The following DLC1 variants were observed in gnomAD, a reference collection of about 807,000 sequenced individuals.
DLC1 encodes the protein rho GTPase-activating protein 7.
DLC1 carries 54 observed loss-of-function variants against 140.3 expected under a neutral mutation model. That is an observed-to-expected ratio of 0.38 (90% CI 0.31 to 0.48). The LOEUF (loss-of-function observed/expected upper bound fraction) is 0.48. Ranked by LOEUF, DLC1 falls within the 20% of genes least tolerant of loss-of-function variation. The pLI is 0.96. For missense variants in DLC1, 2,536 were observed against 1,907.0 expected, an observed-to-expected ratio of 1.33 and a Z score of -6.14; for synonymous variants, 986 against 728.1, an observed-to-expected ratio of 1.35 and a Z score of -5.70.
chr8:13,589,557 C>A (rs1484271014), intron 1 of DLC1, among the ~76,000 whole-genome samples: 3 of 152,036 alleles, frequency 2.0e-5, no homozygotes, highest in Non-Finnish European at 4.4e-5. Flanking sequence ...CATAGAGAAT[C>A]ATCTTTAATT....
intron 5 of DLC1, among the ~76,000 whole-genome samples, chr8:13,220,334 G>T (rs1019183151): frequency 6.6e-6 from 1 of 152,094 alleles, no homozygotes. Context: ...AAAGGATAAA[G>T]GTGCCCCACG....
intron 1 of DLC1, among the ~76,000 whole-genome samples, chr8:13,581,538 A>G (rs1003652505): frequency 1.3e-5 from 2 of 152,162 alleles, no homozygotes; most frequent in African/African-American, 4.8e-5. Context: ...TTCTTCATCC[A>G]AGATTTATCT....
intron 1 of DLC1, among the ~76,000 whole-genome samples, chr8:13,551,479 T>G (rs1008359120): frequency 6.6e-6 from 1 of 152,086 alleles, no homozygotes; most frequent in Non-Finnish European, 1.5e-5. Flanking sequence ...TTACTCTCTC[T>G]TTCCCTCCAA....
At position 13,467,803 on chromosome 8, in the gene DLC1, AT is replaced by A. The variant is rs145328091; in HGVS notation, c.1023+31245del. Among the ~76,000 whole-genome samples, 965 of 152,148 alleles carry A rather than the reference AT, an allele frequency of 6.3e-3. 7 individuals carry two copies. The highest frequency in any genetic ancestry group is 0.022 in the African/African-American group (907 of 41,508). On this transcript the variant is annotated intron_variant, in intron 2 of 17. Transcript: ENST00000276297. ...TCTGCATCTCTTCATATGATCATAA[AT>A]TTTTTTCTCCTTTCATCTGTTAATA...
At chr8:13,172,996 A>C (rs886338997) in intron 5 of DLC1, among the ~76,000 whole-genome samples, 1 of 152,136 alleles carries the variant, frequency 6.6e-6, no homozygotes, top group Non-Finnish European at 1.5e-5. Flanking sequence ...TCTTTTCTCT[A>C]TGTGTAACGA....
At chr8:13,305,719 C>T (rs1012625631) in intron 4 of DLC1, among the ~76,000 whole-genome samples, 2 of 152,098 alleles carry the variant, frequency 1.3e-5, no homozygotes, top group African/African-American at 4.8e-5. Context: ...CACCGGTAGT[C>T]CCAGCTACTT....
chr8:13,589,042 T>A (rs1177495470), intron 1 of DLC1, among the ~76,000 whole-genome samples: 1 of 152,064 alleles, frequency 6.6e-6, no homozygotes, highest in African/African-American at 2.4e-5. Flanking sequence ...CAGAATATGA[T>A]AATAATTATG....
chr8:13,547,125 T>A (rs1294143534), intron 1 of DLC1, among the ~76,000 whole-genome samples: 2 of 152,042 alleles, frequency 1.3e-5, no homozygotes, highest in Non-Finnish European at 2.9e-5. Flanking sequence ...GCTTATGAAA[T>A]GATGGAAGAA....
chr8:13,113,443 G>T (rs1316588292), intron 6 of DLC1, among the ~76,000 whole-genome samples: 1 of 152,226 alleles, frequency 6.6e-6, no homozygotes, highest in Non-Finnish European at 1.5e-5. Context: ...GACCCCAAAT[G>T]TAACTTGTGC....
At chr8:13,540,185 G>T (rs1475686967) in intron 1 of DLC1, among the ~76,000 whole-genome samples, 1 of 152,142 alleles carries the variant, frequency 6.6e-6, no homozygotes, top group East Asian at 1.9e-4. Context: ...AAAAACACAG[G>T]TATCAGAAAT....
intron 4 of DLC1, among the ~76,000 whole-genome samples, chr8:13,379,406 G>C (rs1425591520): frequency 6.6e-6 from 1 of 152,108 alleles, no homozygotes; most frequent in Non-Finnish European, 1.5e-5. Context: ...AACCTATTGA[G>C]CATCCTAGCT....
chr8:13,304,852 T>C, intron 5 of DLC1: 2 of 985,426 alleles, frequency 2.0e-6, no homozygotes, highest in Non-Finnish European at 2.4e-6. Context: ...CATCACTATA[T>C]TTTTGATAGT....
chr8:13,112,504 T>C (rs1365223244), intron 6 of DLC1, among the ~76,000 whole-genome samples: 1 of 152,198 alleles, frequency 6.6e-6, no homozygotes, highest in African/African-American at 2.4e-5. Context: ...TCCAGAGATT[T>C]ATGAATACAT....
chr8:13,474,300 A>T (rs1800341610), intron 2 of DLC1, among the ~76,000 whole-genome samples: 1 of 152,196 alleles, frequency 6.6e-6, no homozygotes, highest in Admixed American at 6.5e-5. Flanking sequence ...GGTGTGCAGA[A>T]GTCAAGAATT....
intron 2 of DLC1, among the ~76,000 whole-genome samples, chr8:13,438,537 C>G (rs1017700517): frequency 2.6e-5 from 4 of 152,098 alleles, no homozygotes; most frequent in Non-Finnish European, 4.4e-5. Context: ...TTTACTGTAG[C>G]TGAGAAGTTG....
At chr8:13,237,707 A>T (rs983134133) in intron 5 of DLC1, among the ~76,000 whole-genome samples, 21 of 152,040 alleles carry the variant, frequency 1.4e-4, no homozygotes, top group African/African-American at 4.6e-4. Flanking sequence ...GAGGATGCAC[A>T]TATGCTATTC....
intron 2 of DLC1, among the ~76,000 whole-genome samples, chr8:13,410,978 A>T (rs949283035): frequency 6.6e-6 from 1 of 152,224 alleles, no homozygotes; most frequent in Non-Finnish European, 1.5e-5. Flanking sequence ...ATGGGTTTTT[A>T]AAAAATGAAC....
intron 2 of DLC1, among the ~76,000 whole-genome samples, chr8:13,450,061 G>A (rs1275867822): frequency 6.6e-6 from 1 of 151,592 alleles, no homozygotes; most frequent in African/African-American, 2.4e-5. Context: ...TCCTTATTTA[G>A]TAAAATAAAT....
At chr8:13,358,683 G>A (rs1371943852) in intron 4 of DLC1, among the ~76,000 whole-genome samples, 1 of 123,178 alleles carries the variant, frequency 8.1e-6, no homozygotes, top group Non-Finnish European at 1.9e-5. Context: ...TTCTGCTAAG[G>A]AAGGAGCCAA....
Sources: gnomAD v4.1 joint callset for allele counts (sites outside exome capture counted in the v4.1 genomes callset) on GRCh38, gnomAD v4.1.1 for gene constraint, MANE v1.5 for transcripts, NCBI Gene and HGNC (gene_info 2026-07-23, HGNC 2026-07-21) for gene names.